The following EXT2 variants were observed in gnomAD, a reference collection of about 807,000 sequenced individuals.
EXT2 encodes exostosin glycosyltransferase 2, also known as exostosin-2.
A neutral mutation model predicts 81.6 loss-of-function variants in EXT2; 53 were observed. That is an observed-to-expected ratio of 0.65 (90% CI 0.52 to 0.82). The LOEUF (loss-of-function observed/expected upper bound fraction) is 0.82. Among genes scored for constraint, EXT2 ranks in the 40% least tolerant of loss-of-function variants. EXT2 has a pLI of 0.00. For missense variants in EXT2, 774 were observed against 910.2 expected (o/e 0.85, Z 1.93); for synonymous variants, 320 against 340.0 (o/e 0.94, Z 0.65).
At chr11:44,128,215 G>A (rs1954437942) in intron 6 of EXT2, among the ~76,000 whole-genome samples, 1 of 152,136 alleles carries the variant, frequency 6.6e-6, no homozygotes, top group African/African-American at 2.4e-5. Flanking sequence ...TGTTTCCAAG[G>A]AGGCTAGAAT....
chr11:44,196,243 TTTTCTC>T lies in EXT2; in HGVS notation c.1306-1582_1306-1577del, dbSNP rs564839496. ...CACCTATTTTCACACATTGTGAACA[TTTTCTC>T]TTTATTCTCTGTGTTCAGAAATATG... On this transcript the variant is annotated intron_variant, in intron 8 of 13. Coordinates refer to ENST00000533608, the MANE Select transcript of EXT2 (RefSeq NM_207122.2). Among the ~76,000 whole-genome samples, 12 of 152,354 alleles carry T rather than the reference TTTTCTC, an allele frequency of 7.9e-5. No homozygotes were observed. The East Asian group carries it at 2.3e-3, about 29-fold the overall frequency.
At chr11:44,239,241 AG>A (rs1956005886) in intron 13 of EXT2, among the ~76,000 whole-genome samples, 1 of 152,052 alleles carries the variant, frequency 6.6e-6, no homozygotes, top group South Asian at 2.1e-4. Flanking sequence ...GCAGTGTAAT[AG>A]GTTTAGGAGG....
At chr11:44,206,753 A>G in intron 9 of EXT2, 40 bp from the exon 10 acceptor site, 1 of 1,607,958 alleles carries the variant, frequency 6.2e-7, no homozygotes, top group Non-Finnish European at 8.5e-7. Flanking sequence ...TCTCCTCACA[A>G]AAGTTAGGAG....
At chr11:44,210,280 T>C (rs2135212766) in intron 10 of EXT2, among the ~76,000 whole-genome samples, 1 of 152,348 alleles carries the variant, frequency 6.6e-6, no homozygotes, top group African/African-American at 2.4e-5. Context: ...ATAAACATTG[T>C]GATACATCCA....
chr11:44,115,117 G>A (rs1253706767), intron 4 of EXT2, among the ~76,000 whole-genome samples: 1 of 152,168 alleles, frequency 6.6e-6, no homozygotes, highest in Non-Finnish European at 1.5e-5. Context: ...GATGCCCATC[G>A]CTGCACACAT....
intron 7 of EXT2, among the ~76,000 whole-genome samples, chr11:44,144,866 T>C (rs1358111202): frequency 6.6e-6 from 1 of 152,176 alleles, no homozygotes; most frequent in African/African-American, 2.4e-5. Flanking sequence ...GCATTTATTT[T>C]GAAAGTTTTT....
intron 10 of EXT2, among the ~76,000 whole-genome samples, chr11:44,230,988 C>T (rs534903901): frequency 3.3e-5 from 5 of 152,016 alleles, no homozygotes; most frequent in East Asian, 1.9e-4. Context: ...TTAGGGAAAT[C>T]GATGATGAAA....
At position 44,107,912 on chromosome 11, in the gene EXT2, C is replaced by T. The variant is rs748292026; in HGVS notation, c.200C>T (p.Pro67Leu). ...GAGAAGCGCAGCATCCGTGATGTGC[C>T]GGTTGTTAGGCTGCCAGCCGACAGT... The part of the protein sequence containing the change: ...NVEKRSIRDV[P>L]VVRLPADSPI... The change falls in exon 2 of 14, where the codon CCG (proline) becomes CTG (leucine). Residue 67 changes from proline (P) to leucine (L), a missense_variant. Around this residue, in one of 2 missense-constraint regions of EXT2, gnomAD observed 626 missense variants for 670.5 expected, o/e 0.93. Coordinates refer to ENST00000533608, the MANE Select transcript of EXT2 (RefSeq NM_207122.2). 2.7e-5 allele frequency: 44 copies of T among 1,614,160 alleles called. No homozygotes were observed. Among genetic ancestry groups the T allele is most frequent in the Non-Finnish European group, 3.3e-5 (39 of 1,180,032 alleles).
Position 44,109,281 on chromosome 11 carries a change from C to G in EXT2, c.624C>G (p.Asp208Glu), listed in dbSNP as rs1369557666. The change falls in exon 3 of 14, where the codon GAC becomes GAG. Residue 208 changes from aspartate (D) to glutamate (E), a missense_variant and splice_region_variant. By Grantham distance (45) the Asp-to-Glu change is conservative (BLOSUM62 2). This residue lies in a region of EXT2 where 626 missense variants were observed against 670.5 expected (regional missense o/e 0.93). Transcript: ENST00000533608. ...ACACAGCCCTGGATGTCCCCAGAGA[C>G]AGGTAGGAGGCATATTTGGGGCTGT... The part of the protein sequence containing the change: ...DYNTALDVPR[D>E]RALLAGGGFS... 1 of 1,613,906 alleles carries G rather than the reference C, an allele frequency of 6.2e-7. No homozygotes were observed. The highest frequency in any genetic ancestry group is 1.7e-5 in the Admixed American group (1 of 60,014).
At chr11:44,119,690 T>C (rs531066912) in intron 4 of EXT2, among the ~76,000 whole-genome samples, 62 of 152,348 alleles carry the variant, frequency 4.1e-4, no homozygotes, top group African/African-American at 1.4e-3. Context: ...AATCCAAGTC[T>C]CCAGATGACA....
At chr11:44,202,599 C>T (rs533983195) in intron 9 of EXT2, among the ~76,000 whole-genome samples, 4 of 152,248 alleles carry the variant, frequency 2.6e-5, no homozygotes, top group Admixed American at 2.0e-4. Flanking sequence ...CTCAACTGTA[C>T]CACTTTGACA....
chr11:44,164,097 GCT>G (rs1314415861), intron 7 of EXT2, among the ~76,000 whole-genome samples: 10 of 151,842 alleles, frequency 6.6e-5, no homozygotes, highest in East Asian at 1.9e-4. Flanking sequence ...CTGTCTTCAA[GCT>G]CTCTCTTTCT....
intron 10 of EXT2, among the ~76,000 whole-genome samples, chr11:44,208,214 G>A (rs923684422): frequency 4.0e-5 from 6 of 148,820 alleles, no homozygotes; most frequent in East Asian, 2.0e-4. Context: ...TTTTTTTTGC[G>A]AGTGATTTCT....
intron 4 of EXT2, chr11:44,116,469 T>C (rs1954222091): frequency 6.6e-6 from 1 of 152,262 alleles, no homozygotes; most frequent in South Asian, 2.1e-4. Flanking sequence ...ATAATGCTGC[T>C]ATGAACATTT....
rs144208894 is a variant in EXT2, at chr11:44,135,149, G to A, written c.1173+5011G>A. Among the ~76,000 whole-genome samples the A allele has an allele frequency of 9.8e-4, 149 of 152,342 alleles. 1 individual carries two copies. Among genetic ancestry groups the A allele is most frequent in the African/African-American group, 3.4e-3 (142 of 41,578 alleles). ...AGTAGTGATCAAGAAGAGAGTAGAAGAGGCTACAGAACAGTAAATGTGTGC... is the reference window on the plus strand; with the variant it reads ...AGTAGTGATCAAGAAGAGAGTAGAAAAGGCTACAGAACAGTAAATGTGTGC... On this transcript the variant is annotated intron_variant, in intron 7 of 13. Transcript: ENST00000533608.
chr11:44,098,991 A>G (rs1953943710), intron 1 of EXT2, among the ~76,000 whole-genome samples: 1 of 152,104 alleles, frequency 6.6e-6, no homozygotes, highest in South Asian at 2.1e-4. Context: ...TGTTTATATT[A>G]AATATGTTCT....
At chr11:44,171,568 C>A (rs200113139) in intron 7 of EXT2, 43 bp from the exon 8 acceptor site, 31 of 1,613,906 alleles carry the variant, frequency 1.9e-5, no homozygotes, top group Middle Eastern at 3.3e-4. Context: ...TTTTCCCACT[C>A]TGTCTCGCTT....
At chr11:44,096,598 G>A (rs1050709390) in intron 1 of EXT2, among the ~76,000 whole-genome samples, 3 of 152,058 alleles carry the variant, frequency 2.0e-5, no homozygotes, top group Non-Finnish European at 4.4e-5. Context: ...CCGGGGGTGT[G>A]TCGGGCCGGG....
At chr11:44,201,581 AT>A (rs1955523066) in intron 9 of EXT2, among the ~76,000 whole-genome samples, 1 of 152,172 alleles carries the variant, frequency 6.6e-6, no homozygotes, top group Admixed American at 6.5e-5. Context: ...CTCTGTGTCT[AT>A]TTAGATTACC....
Sources: allele counts gnomAD v4.1 joint callset (sites outside exome capture counted in the v4.1 genomes callset), GRCh38; gene constraint gnomAD v4.1.1; regional missense constraint gnomAD v4.1.1; transcripts MANE v1.5; gene names NCBI Gene and HGNC (gene_info 2026-07-23, HGNC 2026-07-21).